The following CAMKMT variants were observed in gnomAD, a reference collection of about 807,000 sequenced individuals.
CAMKMT encodes the protein calmodulin-lysine N-methyltransferase.
CAMKMT carries 53 observed loss-of-function variants against 48.0 expected under a neutral mutation model. The observed-to-expected ratio is 1.10, with a 90% CI of 0.89 to 1.39. CAMKMT has a LOEUF of 1.39. CAMKMT is among the 40% of genes most tolerant of loss of function. The probability of loss-of-function intolerance (pLI) is 0.00; values close to 1 mark genes in which losing one functional copy is unlikely to be tolerated. For synonymous variants in CAMKMT, 165 were observed against 152.3 expected (o/e 1.08, Z -0.61); for missense variants, 428 against 402.7 (o/e 1.06, Z -0.54).
At position 44,639,724 on chromosome 2, in the gene CAMKMT, G is replaced by C. The variant is rs554218064; in HGVS notation, c.377-64559G>C. ...GCTGGATATTTTGAGGACATTTGGG[G>C]AGTATGTCAAGGCTGGTTTCTTTTA... On this transcript the variant is annotated intron_variant, in intron 3 of 10. Transcript: ENST00000378494. Among the ~76,000 whole-genome samples, 3 of 152,292 alleles carry C rather than the reference G, an allele frequency of 2.0e-5. No individual in the cohort carries two copies. The South Asian group carries it at 6.2e-4, about 32-fold the overall frequency.
At chr2:44,626,119 C>T (rs916201440) in intron 3 of CAMKMT, among the ~76,000 whole-genome samples, 6 of 152,126 alleles carry the variant, frequency 3.9e-5, no homozygotes, top group Admixed American at 2.0e-4. Flanking sequence ...GAAGATAATT[C>T]ACATCTTAAT....
At chr2:44,456,671 A>G in intron 3 of CAMKMT, 1 of 1,512,894 alleles carries the variant, frequency 6.6e-7, no homozygotes, top group South Asian at 1.3e-5. Flanking sequence ...ATAAGAAAAG[A>G]TGTTTTGGCC....
At chr2:44,555,775 CAT>C (rs1175953631) in intron 3 of CAMKMT, among the ~76,000 whole-genome samples, 3 of 152,098 alleles carry the variant, frequency 2.0e-5, no homozygotes, top group African/African-American at 7.2e-5. Context: ...CAGGAGTTGT[CAT>C]AGAAACCAAG....
In CAMKMT at chr2:44,488,843, T is replaced by TG. The variant is rs1669338739; in HGVS notation, c.376+98538_376+98539insG. On this transcript the variant is annotated intron_variant, in intron 3 of 10. Transcript: ENST00000378494. ...AAAAATTAGAAAAGCCTTAGGGTAT[T>TG]TGTGTGTGTGTGTGTGTGTGTGTGT... Among the ~76,000 whole-genome samples the TG allele has an allele frequency of 2.8e-5, 4 of 141,966 alleles. No homozygotes were observed. In the Admixed American group the frequency reaches 2.8e-4, roughly 10 times the overall value. The allele number at this position is 141,966 out of a possible 152,430, so 93.1% of individuals were successfully genotyped here. A position where few individuals can be genotyped will look rare whatever the true frequency, so the allele number is the denominator to read the frequency against.
intron 3 of CAMKMT, among the ~76,000 whole-genome samples, chr2:44,402,287 C>A (rs1238194874): frequency 7.3e-6 from 1 of 137,830 alleles, no homozygotes; most frequent in Non-Finnish European, 1.6e-5. Context: ...CAATATCGCA[C>A]CATTGCACCC....
chr2:44,528,960 G>C (rs967297481), intron 3 of CAMKMT, among the ~76,000 whole-genome samples: 3 of 151,678 alleles, frequency 2.0e-5, no homozygotes, highest in African/African-American at 7.3e-5. Context: ...TATGATGTTA[G>C]TGGCCATTAT....
At chr2:44,600,883 C>T (rs1375904953) in intron 3 of CAMKMT, among the ~76,000 whole-genome samples, 4 of 151,902 alleles carry the variant, frequency 2.6e-5, no homozygotes, top group South Asian at 2.1e-4. Flanking sequence ...TGAGTAGACT[C>T]GGGAATTTAT....
At chr2:44,665,153 C>A (rs1023996653) in intron 3 of CAMKMT, among the ~76,000 whole-genome samples, 7 of 152,142 alleles carry the variant, frequency 4.6e-5, no homozygotes, top group Non-Finnish European at 2.9e-5. Flanking sequence ...TCACTGCAAC[C>A]TCTGCCTCCC....
At chr2:44,552,505 T>C (rs189079651) in intron 3 of CAMKMT, among the ~76,000 whole-genome samples, 1 of 152,308 alleles carries the variant, frequency 6.6e-6, no homozygotes, top group East Asian at 1.9e-4. Context: ...CTTATGCAGA[T>C]AGAGTCCTTT....
intron 5 of CAMKMT, among the ~76,000 whole-genome samples, 183 bp downstream of exon 5, chr2:44,706,524 T>G (rs1677572831): frequency 1.3e-5 from 2 of 152,152 alleles, no homozygotes; most frequent in African/African-American, 4.8e-5. Context: ...GTTGCCTCGA[T>G]GAGCAGAAAC....
At chr2:44,768,904 C>A (rs895544597) in intron 10 of CAMKMT, among the ~76,000 whole-genome samples, 1 of 152,120 alleles carries the variant, frequency 6.6e-6, no homozygotes, top group African/African-American at 2.4e-5. Context: ...TGGAATAGAG[C>A]GTAACCAGCT....
intron 3 of CAMKMT, among the ~76,000 whole-genome samples, chr2:44,509,719 C>A (rs1186559808): frequency 6.6e-6 from 1 of 152,114 alleles, no homozygotes; most frequent in Non-Finnish European, 1.5e-5. Flanking sequence ...TCTTGCAGGA[C>A]TCGGTAATTC....
chr2:44,484,914 T>C (rs1669143271), intron 3 of CAMKMT, among the ~76,000 whole-genome samples: 1 of 152,008 alleles, frequency 6.6e-6, no homozygotes, highest in African/African-American at 2.4e-5. Flanking sequence ...GTGAAAAACA[T>C]GAACAGGCAC....
At chr2:44,475,738 A>C (rs1402598147) in intron 3 of CAMKMT, among the ~76,000 whole-genome samples, 1 of 152,174 alleles carries the variant, frequency 6.6e-6, no homozygotes, top group Non-Finnish European at 1.5e-5. Flanking sequence ...TTTAAAGAGA[A>C]ATTTTATTTA....
At chr2:44,370,610 C>G (rs67721434) in intron 1 of CAMKMT, among the ~76,000 whole-genome samples, 2 of 151,990 alleles carry the variant, frequency 1.3e-5, no homozygotes, top group Admixed American at 6.5e-5. Flanking sequence ...TTAGTATTAT[C>G]GATCCTCTCT....
intron 3 of CAMKMT, among the ~76,000 whole-genome samples, chr2:44,608,329 C>A (rs1425212984): frequency 2.6e-5 from 4 of 152,068 alleles, no homozygotes; most frequent in Non-Finnish European, 4.4e-5. Context: ...ACCTCGGCCT[C>A]CCAAAGTGCT....
chr2:44,557,517 A>C (rs558241469), intron 3 of CAMKMT, among the ~76,000 whole-genome samples: 5 of 152,056 alleles, frequency 3.3e-5, no homozygotes, highest in Admixed American at 6.6e-5. Flanking sequence ...CCTCATCTTG[A>C]CCTGAGGGAA....
intron 1 of CAMKMT, 76 bp from the exon 2 acceptor site, chr2:44,372,640 A>T: frequency 7.3e-7 from 1 of 1,375,806 alleles, no homozygotes; most frequent in Middle Eastern, 2.1e-4. Flanking sequence ...TTACCACTTA[A>T]ATTTTGAACA....
At chr2:44,472,779 AAAACAT>A (rs1008405449) in intron 3 of CAMKMT, among the ~76,000 whole-genome samples, 117 of 152,384 alleles carry the variant, frequency 7.7e-4, no homozygotes, top group African/African-American at 2.7e-3. Context: ...TGCAGATAGC[AAAACAT>A]AAGTTACATG....
Sources: allele counts gnomAD v4.1 joint callset (sites outside exome capture counted in the v4.1 genomes callset), GRCh38; gene constraint gnomAD v4.1.1; transcripts MANE v1.5; gene names NCBI Gene and HGNC (gene_info 2026-07-23, HGNC 2026-07-21).